Variants in EPHB1 observed in about 807,000 individuals in gnomAD.
The protein encoded by EPHB1 is ephrin type-B receptor 1.
In EPHB1, 30 loss-of-function variants were observed where a neutral mutation model predicts 94.4. That is an observed-to-expected ratio of 0.32 (90% CI 0.24 to 0.43). EPHB1 has a LOEUF of 0.43. Ranked by LOEUF, EPHB1 falls within the 20% of genes least tolerant of loss-of-function variation. EPHB1 has a pLI of 1.00. For missense variants in EPHB1, 1,055 were observed against 1,308.3 expected, an observed-to-expected ratio of 0.81 and a Z score of 2.99; for synonymous variants, 522 against 489.1, an observed-to-expected ratio of 1.07 and a Z score of -0.89.
rs1357014273 is a variant in EPHB1, at chr3:135,154,264, G to A, written c.1410G>A (p.Arg470=). 6.2e-7 allele frequency: 1 copy of A among 1,613,942 alleles called. No individual in the cohort carries two copies. Among genetic ancestry groups the A allele is most frequent in the Non-Finnish European group, 8.5e-7 (1 of 1,179,814 alleles). Residue 470 remains arginine, a synonymous_variant, in exon 6 of 16, where the codon CGG becomes CGA. Coordinates refer to ENST00000398015, the MANE Select transcript of EPHB1 (RefSeq NM_004441.5). ...GCATCATCCTGGACTATGAGATCCG[G>A]TACTATGAGAAGGTGAGCCAGCTCT... ...PNGIILDYEI[R]YYEKEHNEFN... is the part of the protein sequence containing the mutation.
intron 2 of EPHB1, among the ~76,000 whole-genome samples, chr3:134,929,985 C>T (rs941893951): frequency 2.0e-5 from 3 of 152,106 alleles, no homozygotes; most frequent in Non-Finnish European, 4.4e-5. Context: ...GGATACCATG[C>T]ATGGATGTTT....
intron 1 of EPHB1, among the ~76,000 whole-genome samples, chr3:134,821,691 G>A (rs1349190406): frequency 6.6e-6 from 1 of 152,350 alleles, no homozygotes; most frequent in East Asian, 1.9e-4. Context: ...CAGAAGCCTG[G>A]CTCTGATGTT....
intron 1 of EPHB1, among the ~76,000 whole-genome samples, chr3:134,835,537 TA>T (rs767004935): frequency 2.0e-5 from 3 of 152,052 alleles, no homozygotes; most frequent in Non-Finnish European, 2.9e-5. Context: ...CAGTTATAGG[TA>T]AGGACCTGGA....
intron 3 of EPHB1, among the ~76,000 whole-genome samples, chr3:135,012,261 A>G (rs1935646336): frequency 6.6e-6 from 1 of 152,216 alleles, no homozygotes; most frequent in Admixed American, 6.5e-5. Context: ...CAAGGCATCA[A>G]CATTGCAGCT....
At position 134,914,574 on chromosome 3, in the gene EPHB1, G is replaced by A. The variant is rs200958589; in HGVS notation, c.59-11242G>A. ...GTGTGGGGGACTACAGGACTCTGGG[G>A]GGAGGGTTGTTGGAGACATGGGGGC... On this transcript the variant is annotated intron_variant, in intron 1 of 15. Transcript: ENST00000398015. Among the ~76,000 whole-genome samples the A allele has an allele frequency of 2.7e-4, 41 of 152,266 alleles. No homozygotes were observed. The East Asian group carries it at 7.7e-3, about 29-fold the overall frequency.
chr3:134,799,758 G>GT (rs1196595194), intron 1 of EPHB1, among the ~76,000 whole-genome samples: 1 of 152,138 alleles, frequency 6.6e-6, no homozygotes, highest in Non-Finnish European at 1.5e-5. Flanking sequence ...CCCCTACTTT[G>GT]TTTTTTCACA....
chr3:135,227,402 T>C (rs1943427739), intron 12 of EPHB1, among the ~76,000 whole-genome samples: 1 of 152,208 alleles, frequency 6.6e-6, no homozygotes, highest in Non-Finnish European at 1.5e-5. Context: ...TTCTCCTCTT[T>C]ACTGTGTGTG....
intron 5 of EPHB1, among the ~76,000 whole-genome samples, chr3:135,147,753 C>T (rs145613948): frequency 3.9e-5 from 6 of 152,290 alleles, no homozygotes; most frequent in Non-Finnish European, 8.8e-5. Context: ...CAGCATTTGC[C>T]GTCTAGAAGA....
chr3:135,045,011 A>G (rs1370060734), intron 3 of EPHB1, among the ~76,000 whole-genome samples: 1 of 152,196 alleles, frequency 6.6e-6, no homozygotes, highest in African/African-American at 2.4e-5. Flanking sequence ...GAGTAATTTA[A>G]TGCTGCTGTA....
At chr3:134,977,457 G>C (rs1309518882) in intron 3 of EPHB1, among the ~76,000 whole-genome samples, 1 of 152,200 alleles carries the variant, frequency 6.6e-6, no homozygotes, top group Non-Finnish European at 1.5e-5. Context: ...AAGAAAAATA[G>C]TAAAGACCAA....
At chr3:135,167,057 A>C in intron 9 of EPHB1, 51 bp downstream of exon 9, 1 of 1,587,246 alleles carries the variant, frequency 6.3e-7, no homozygotes, top group Non-Finnish European at 8.6e-7. Context: ...CCACTGAGTC[A>C]AGTGGGCTAG....
chr3:134,801,500 A>G (rs2035934525), intron 1 of EPHB1, among the ~76,000 whole-genome samples: 1 of 152,190 alleles, frequency 6.6e-6, no homozygotes, highest in Non-Finnish European at 1.5e-5. Context: ...AGGAGTCTGC[A>G]TTCCTTGGAA....
intron 5 of EPHB1, 37 bp from the exon 6 acceptor site, chr3:135,154,115 G>A: frequency 1.2e-6 from 2 of 1,612,996 alleles, no homozygotes; most frequent in Non-Finnish European, 1.7e-6. Flanking sequence ...ATAATTGAGT[G>A]TCTGTTCAGC....
At chr3:134,868,957 T>TA (rs1458897513) in intron 1 of EPHB1, among the ~76,000 whole-genome samples, 1 of 152,258 alleles carries the variant, frequency 6.6e-6, no homozygotes, top group African/African-American at 2.4e-5. Context: ...GATAAGCTCT[T>TA]ACCTGAGACA....
chr3:134,987,273 C>T (rs774261393), intron 3 of EPHB1, among the ~76,000 whole-genome samples: 11 of 152,168 alleles, frequency 7.2e-5, no homozygotes, highest in Non-Finnish European at 1.2e-4. Flanking sequence ...GACTGAATTA[C>T]GTCCCCTTAA....
At chr3:135,154,606 C>T (rs749024108) in intron 6 of EPHB1, among the ~76,000 whole-genome samples, 23 of 152,188 alleles carry the variant, frequency 1.5e-4, no homozygotes, top group South Asian at 1.0e-3. Context: ...CAGGGGTCCC[C>T]GAACCTTCAG....
chr3:135,040,356 A>G lies in EPHB1; in HGVS notation c.806-66092A>G, dbSNP rs530517058. Among the ~76,000 whole-genome samples, 13 of 152,354 alleles carry G rather than the reference A, an allele frequency of 8.5e-5. 1 individual carries two copies. Among genetic ancestry groups the G allele is most frequent in the Admixed American group, 5.2e-4 (8 of 15,310 alleles). On this transcript the variant is annotated intron_variant, in intron 3 of 15. Transcript: ENST00000398015. ...AATTTTCTCAGCCACCCAGAATTCT[A>G]TCAGGCAGGGGTGTCTTAGGAATAG... is the stretch of plus-strand genomic sequence containing the variant.
chr3:135,201,748 A>G, intron 12 of EPHB1, 59 bp downstream of exon 12: 1 of 1,525,042 alleles, frequency 6.6e-7, no homozygotes, highest in Non-Finnish European at 9.0e-7. Context: ...GGGACTCTAC[A>G]TGGCTGGGAA....
chr3:135,145,977 A>T (rs895425773), intron 5 of EPHB1, among the ~76,000 whole-genome samples: 1 of 152,240 alleles, frequency 6.6e-6, no homozygotes, highest in Admixed American at 6.5e-5. Flanking sequence ...AACATTTATT[A>T]TGTGCTAGCA....
Sources: gnomAD v4.1 joint callset for allele counts (sites outside exome capture counted in the v4.1 genomes callset) on GRCh38, gnomAD v4.1.1 for gene constraint, MANE v1.5 for transcripts, NCBI Gene and HGNC (gene_info 2026-07-23, HGNC 2026-07-21) for gene names.